The following TRPM1 variants were observed in gnomAD, a reference collection of about 807,000 sequenced individuals.
TRPM1 encodes the protein transient receptor potential cation channel subfamily M member 1.
In TRPM1, 113 loss-of-function variants were observed where a neutral mutation model predicts 149.4. The observed-to-expected ratio is 0.76, with a 90% CI of 0.65 to 0.88. TRPM1 has a LOEUF of 0.88. TRPM1 is among the 40% of genes least tolerant of loss of function. The pLI, the probability that TRPM1 is intolerant of heterozygous loss-of-function variation, is 0.00. For missense variants in TRPM1, 1,976 were observed against 2,038.7 expected, an observed-to-expected ratio of 0.97 and a Z score of 0.59; for synonymous variants, 741 against 759.5, an observed-to-expected ratio of 0.98 and a Z score of 0.40.
chr15:31,102,061 C>T (rs1027156849), upstream of TRPM1, among the ~76,000 whole-genome samples: 1 of 152,214 alleles, frequency 6.6e-6, no homozygotes, highest in Non-Finnish European at 1.5e-5. Context: ...TTCAGAATCC[C>T]CTCATCAGCT....
intron 2 of TRPM1, 26 bp downstream of exon 2, chr15:31,081,307 AGGGGGGGAGGGGGGGAAGGT>A: frequency 1.9e-6 from 1 of 531,206 alleles, no homozygotes. Flanking sequence ...GTACTTTCTC[AGGGGGGGAGGGGGGGAAGGT>A]GGAAGTGCTT....
intron 16 of TRPM1, among the ~76,000 whole-genome samples, chr15:31,043,196 G>A (rs1376034535): frequency 6.6e-6 from 1 of 152,022 alleles, no homozygotes; most frequent in Non-Finnish European, 1.5e-5. Flanking sequence ...AATTTGTTTT[G>A]TTTTGTTTTG....
chr15:31,055,219 G>T (rs939837652), intron 11 of TRPM1, among the ~76,000 whole-genome samples: 1 of 152,212 alleles, frequency 6.6e-6, no homozygotes, highest in African/African-American at 2.4e-5. Context: ...TAGGGAGACA[G>T]AGAAGGACTT....
chr15:31,060,291 C>A (rs906094219), intron 11 of TRPM1: 11 of 560,016 alleles, frequency 2.0e-5, no homozygotes, highest in Non-Finnish European at 3.5e-5. Context: ...AGGTAAAAAC[C>A]CACTTTCATC....
upstream of TRPM1, among the ~76,000 whole-genome samples, chr15:31,104,890 A>G (rs530912741): frequency 7.9e-5 from 12 of 152,126 alleles, no homozygotes; most frequent in South Asian, 1.9e-3. Context: ...CACCATGCCC[A>G]GCTGCAAAAT....
chr15:31,092,135 T>C (rs911816718), intron 1 of TRPM1, among the ~76,000 whole-genome samples: 2 of 151,950 alleles, frequency 1.3e-5, no homozygotes, highest in African/African-American at 4.8e-5. Flanking sequence ...GGTGGGACAC[T>C]GGCTTAGCCC....
At chr15:31,051,439 G>T (rs1331136604) in intron 11 of TRPM1, among the ~76,000 whole-genome samples, 1 of 152,244 alleles carries the variant, frequency 6.6e-6, no homozygotes, top group East Asian at 1.9e-4. Context: ...CCTGGGCTGT[G>T]GGTTTAGTTG....
chr15:31,092,107 AGGGGT>A (rs1167009627), intron 1 of TRPM1, among the ~76,000 whole-genome samples: 5 of 3,744 alleles, frequency 1.3e-3, no homozygotes, highest in Non-Finnish European at 1.8e-3. Context: ...GAGGCTCTTG[AGGGGT>A]GGGGTGGGGT....
At chr15:31,071,792 C>T (rs2034546392) in intron 3 of TRPM1, among the ~76,000 whole-genome samples, 1 of 151,340 alleles carries the variant, frequency 6.6e-6, no homozygotes, top group East Asian at 2.0e-4. Context: ...TGTGAAACCC[C>T]GTCTCCACCA....
intron 21 of TRPM1, among the ~76,000 whole-genome samples, chr15:31,033,309 C>T (rs554998439): frequency 6.6e-6 from 1 of 152,274 alleles, no homozygotes; most frequent in Admixed American, 6.5e-5. Context: ...CCCACGTGGC[C>T]CCACAGAGGG....
At chr15:31,137,934 A>G (rs1014576936) in intron 1 of TRPM1, among the ~76,000 whole-genome samples, 5 of 152,174 alleles carry the variant, frequency 3.3e-5, no homozygotes, top group Admixed American at 3.3e-4. Flanking sequence ...AGAATTTGGG[A>G]TCTCAACTAG....
At chr15:31,099,123 C>T (rs1189919178) in intron 1 of TRPM1, among the ~76,000 whole-genome samples, 1 of 152,174 alleles carries the variant, frequency 6.6e-6, no homozygotes, top group Non-Finnish European at 1.5e-5. Flanking sequence ...TTCCTGGACT[C>T]TGCCTGCTCC....
At position 31,096,068 on chromosome 15, in the gene TRPM1, GAAAAGAAA is replaced by G; in HGVS notation, c.-84+5581_-84+5588del. On this transcript the variant is annotated intron_variant, in intron 1 of 27. Transcript: ENST00000256552. Reference sequence around the variant, plus strand: ...TCTCAAAAAAATAAAAATAAAAATAGAAAAGAAAAGAAAAGAAAAGAAAGAAGGAAGGA... The same window carrying G: ...TCTCAAAAAAATAAAAATAAAAATAGAGAAAAGAAAAGAAAGAAGGAAGGA... Among the ~76,000 whole-genome samples the G allele has an allele frequency of 5.0e-4, 3 of 6,004 alleles. No individual in the cohort carries two copies. The Admixed American group carries it at 6.9e-3, about 14-fold the overall frequency. The allele number at this position is 6,004 out of a possible 152,430, so 3.9% of individuals were successfully genotyped here. A position where few individuals can be genotyped will look rare whatever the true frequency, so the allele number is the denominator to read the frequency against.
At chr15:31,118,130 A>T (rs1391516034) in intron 1 of TRPM1, among the ~76,000 whole-genome samples, 1 of 152,108 alleles carries the variant, frequency 6.6e-6, no homozygotes, top group Non-Finnish European at 1.5e-5. Flanking sequence ...GGTGTGGTGC[A>T]TGCCTGTAAT....
intron 22 of TRPM1, 26 bp downstream of exon 22, chr15:31,032,663 G>C: frequency 6.2e-7 from 1 of 1,614,014 alleles, no homozygotes; most frequent in East Asian, 2.2e-5. Flanking sequence ...AGTCTCTCTG[G>C]ATACCCACAG....
At chr15:31,083,497 C>G (rs2034917469) in intron 1 of TRPM1, among the ~76,000 whole-genome samples, 1 of 152,180 alleles carries the variant, frequency 6.6e-6, no homozygotes, top group African/African-American at 2.4e-5. Context: ...CCTGCCTTTG[C>G]CCGGCTCCTA....
chr15:31,118,097 C>G (rs1378418349), intron 1 of TRPM1, among the ~76,000 whole-genome samples: 2 of 152,034 alleles, frequency 1.3e-5, no homozygotes, highest in Admixed American at 6.6e-5. Flanking sequence ...CCCATCTCTA[C>G]TAAAAATACA....
At chr15:31,078,256 G>C (rs1304159554) in intron 2 of TRPM1, among the ~76,000 whole-genome samples, 1 of 152,206 alleles carries the variant, frequency 6.6e-6, no homozygotes, top group East Asian at 1.9e-4. Flanking sequence ...CTTGTCTCTG[G>C]GGAGGTCACC....
chr15:31,089,582 T>C (rs2035165023), intron 1 of TRPM1, among the ~76,000 whole-genome samples: 1 of 152,200 alleles, frequency 6.6e-6, no homozygotes, highest in African/African-American at 2.4e-5. Flanking sequence ...CCGTTTGCTC[T>C]GTAACTCGAG....
Sources: gnomAD v4.1 joint callset for allele counts (sites outside exome capture counted in the v4.1 genomes callset) on GRCh38, gnomAD v4.1.1 for gene constraint, MANE v1.5 for transcripts, NCBI Gene and HGNC (gene_info 2026-07-23, HGNC 2026-07-21) for gene names.